PRELID2: variants seen among roughly 807,000 people sequenced by gnomAD.
PRELID2 encodes PRELI domain containing 2.
A neutral mutation model predicts 28.4 loss-of-function variants in PRELID2; 25 were observed. That is an observed-to-expected ratio of 0.88 (90% CI 0.64 to 1.23). The LOEUF (loss-of-function observed/expected upper bound fraction) is 1.23, where lower values mean the gene tolerates loss of function less well. PRELID2 is among the 50% of genes most tolerant of loss of function. PRELID2 has a pLI of 0.00. For synonymous variants in PRELID2, 76 were observed against 71.6 expected (o/e 1.06, Z -0.31); for missense variants, 201 against 214.4 (o/e 0.94, Z 0.39).
At chr5:145,630,495 T>A (rs1448066523) in intron 1 of PRELID2, among the ~76,000 whole-genome samples, 2 of 152,228 alleles carry the variant, frequency 1.3e-5, no homozygotes, top group Non-Finnish European at 2.9e-5. Context: ...TGCACAAGCC[T>A]GCCTTGAGTG....
chr5:145,543,306 TAAATGTA>T (rs1752760354), intron 1 of PRELID2, among the ~76,000 whole-genome samples: 1 of 152,162 alleles, frequency 6.6e-6, no homozygotes, highest in Non-Finnish European at 1.5e-5. Context: ...ACATATTTGT[TAAATGTA>T]TTAAGACAGC....
At chr5:145,578,996 C>G (rs891343654) in intron 1 of PRELID2, among the ~76,000 whole-genome samples, 2 of 152,018 alleles carry the variant, frequency 1.3e-5, no homozygotes, top group African/African-American at 2.4e-5. Flanking sequence ...AGTCAGATCA[C>G]TGGGTTCTAG....
chr5:145,608,473 A>C (rs1426921425), intron 1 of PRELID2, among the ~76,000 whole-genome samples: 7 of 152,150 alleles, frequency 4.6e-5, no homozygotes, highest in African/African-American at 1.7e-4. Context: ...CTTGTCTGAA[A>C]AGGATCTTAT....
the PRELID2 span, among the ~76,000 whole-genome samples, chr5:145,413,895 T>A: frequency 2.6e-5 from 4 of 152,178 alleles, no homozygotes; most frequent in African/African-American, 7.2e-5. Flanking sequence ...TAAGACTGAA[T>A]CATATTTTAT....
chr5:145,705,549 T>C (rs1254614949), intron 1 of PRELID2, among the ~76,000 whole-genome samples: 1 of 152,162 alleles, frequency 6.6e-6, no homozygotes, highest in Non-Finnish European at 1.5e-5. Context: ...TTGGAGATGA[T>C]ATTTATTGAC....
At chr5:145,370,030 C>CAGAT in the PRELID2 span, among the ~76,000 whole-genome samples, 2 of 151,282 alleles carry the variant, frequency 1.3e-5, no homozygotes, top group African/African-American at 2.4e-5. Context: ...AGACCTTTGT[C>CAGAT]AGATAGATAG....
the PRELID2 span, among the ~76,000 whole-genome samples, chr5:145,281,567 A>G: frequency 0.41 from 62,807 of 152,030 alleles, 14,212 homozygotes; most frequent in African/African-American, 0.59. Context: ...TATCTACCAC[A>G]AAATAAGACA....
chr5:145,422,244 T>C, the PRELID2 span, among the ~76,000 whole-genome samples: 4 of 150,694 alleles, frequency 2.7e-5, no homozygotes, highest in East Asian at 1.9e-4. Flanking sequence ...AGATGTCTAT[T>C]AGGTCCGCTT....
At chr5:145,302,203 A>G in the PRELID2 span, among the ~76,000 whole-genome samples, 1 of 151,504 alleles carries the variant, frequency 6.6e-6, no homozygotes, top group East Asian at 1.9e-4. Context: ...TTTGTCCCCC[A>G]GGCTGGAGTG....
intron 1 of PRELID2, among the ~76,000 whole-genome samples, chr5:145,625,760 T>C (rs945388642): frequency 5.9e-5 from 9 of 152,164 alleles, no homozygotes; most frequent in African/African-American, 2.2e-4. Context: ...TGAAAATGTA[T>C]ACTTTAAATA....
chr5:145,600,302 T>C (rs1477344072), intron 1 of PRELID2, among the ~76,000 whole-genome samples: 2 of 151,270 alleles, frequency 1.3e-5, no homozygotes, highest in South Asian at 2.1e-4. Flanking sequence ...AGATCCCGAG[T>C]AAAATCTTTT....
chr5:145,673,865 G>C (rs896993285), intron 1 of PRELID2, among the ~76,000 whole-genome samples: 1 of 152,086 alleles, frequency 6.6e-6, no homozygotes, highest in African/African-American at 2.4e-5. Context: ...ATGAGAAAAA[G>C]TGTAAAATAT....
chr5:145,295,537 A>G, the PRELID2 span, among the ~76,000 whole-genome samples: 1 of 152,176 alleles, frequency 6.6e-6, no homozygotes, highest in East Asian at 1.9e-4. Context: ...GTGTTGATAT[A>G]GTACAGAACA....
chr5:145,319,803 C>T, the PRELID2 span, among the ~76,000 whole-genome samples: 1 of 152,140 alleles, frequency 6.6e-6, no homozygotes, highest in Non-Finnish European at 1.5e-5. Context: ...TGAAGCTGAG[C>T]ACAACTCTGG....
chr5:145,344,437 A>G, the PRELID2 span, among the ~76,000 whole-genome samples: 1 of 152,068 alleles, frequency 6.6e-6, no homozygotes, highest in Non-Finnish European at 1.5e-5. Flanking sequence ...CAAGATTCTA[A>G]TATTATATAT....
chr5:145,339,630 G>A, the PRELID2 span, among the ~76,000 whole-genome samples: 1 of 152,132 alleles, frequency 6.6e-6, no homozygotes, highest in African/African-American at 2.4e-5. Flanking sequence ...GGGCCAAGAA[G>A]GAAGATGAGA....
intron 1 of PRELID2, among the ~76,000 whole-genome samples, chr5:145,638,896 T>C (rs1754047879): frequency 6.6e-6 from 1 of 152,230 alleles, no homozygotes; most frequent in African/African-American, 2.4e-5. Flanking sequence ...GTTCAATACT[T>C]GCTACTTCTT....
chr5:145,476,481 C>T (rs1752102711), intron 1 of PRELID2, among the ~76,000 whole-genome samples: 1 of 152,046 alleles, frequency 6.6e-6, no homozygotes, highest in Non-Finnish European at 1.5e-5. Flanking sequence ...TCTATCTCTA[C>T]TAAACATACA....
intron 1 of PRELID2, among the ~76,000 whole-genome samples, chr5:145,671,005 TG>T (rs1244995883): frequency 2.0e-5 from 3 of 152,116 alleles, no homozygotes; most frequent in African/African-American, 7.2e-5. Context: ...CAGCATAAAA[TG>T]GGGATAATGA....
Sources: allele counts gnomAD v4.1 joint callset (sites outside exome capture counted in the v4.1 genomes callset), GRCh38; gene constraint gnomAD v4.1.1; transcripts MANE v1.5; gene names NCBI Gene and HGNC (gene_info 2026-07-23, HGNC 2026-07-21).